The following ZNF385D variants were observed in gnomAD, a reference collection of about 807,000 sequenced individuals.
ZNF385D encodes the protein zinc finger protein 659.
ZNF385D carries 15 observed loss-of-function variants against 35.8 expected under a neutral mutation model. The observed-to-expected ratio is 0.42, with a 90% CI of 0.28 to 0.64. The LOEUF is 0.64. Among genes scored for constraint, ZNF385D ranks in the 30% least tolerant of loss-of-function variants. The pLI, the probability that ZNF385D is intolerant of heterozygous loss-of-function variation, is 0.23. For synonymous variants in ZNF385D, 212 were observed against 186.8 expected, an observed-to-expected ratio of 1.13 and a Z score of -1.10; for missense variants, 474 against 494.6, an observed-to-expected ratio of 0.96 and a Z score of 0.39.
At chr3:21,863,842 T>A (rs943963753) in intron 3 of ZNF385D, among the ~76,000 whole-genome samples, 7 of 152,128 alleles carry the variant, frequency 4.6e-5, no homozygotes, top group Admixed American at 2.0e-4. Context: ...AAGTGGCCAA[T>A]GCCAACCCAG....
At chr3:21,746,951 A>G (rs890916424) in intron 1 of ZNF385D, among the ~76,000 whole-genome samples, 4 of 152,078 alleles carry the variant, frequency 2.6e-5, no homozygotes, top group African/African-American at 9.7e-5. Context: ...ATCCCAGGGG[A>G]AAAAAGTCCT....
intron 2 of ZNF385D, among the ~76,000 whole-genome samples, chr3:22,346,883 C>T (rs11916622): frequency 0.076 from 11,535 of 152,204 alleles, 690 homozygotes; most frequent in African/African-American, 0.18. Context: ...CGACACTACA[C>T]TATCATAATG....
In ZNF385D at chr3:21,727,472, T is replaced by C. The variant is rs1325728207; in HGVS notation, c.22+23423A>G. On this transcript the variant is annotated intron_variant, in intron 1 of 7. Coordinates refer to ENST00000281523, the MANE Select transcript of ZNF385D (RefSeq NM_024697.3). ...AATCTACAAAGAACTTAAACAAATT[T>C]ACAAGAAAAAAACAACCCCATCAAA... is the stretch of plus-strand genomic sequence containing the variant. Among the ~76,000 whole-genome samples the C allele has an allele frequency of 2.0e-5, 3 of 151,764 alleles. No homozygotes were observed. The East Asian group carries it at 5.8e-4, about 29-fold the overall frequency.
At chr3:21,440,582 T>C (rs963933496) in intron 4 of ZNF385D, among the ~76,000 whole-genome samples, 1 of 152,090 alleles carries the variant, frequency 6.6e-6, no homozygotes, top group African/African-American at 2.4e-5. Context: ...AGAATGGGCT[T>C]TAGTTAAACT....
Position 21,935,253 on chromosome 3 carries a change from T to C in ZNF385D, c.325+233564A>G, listed in dbSNP as rs148456808. On this transcript the variant is annotated intron_variant, in intron 3 of 5. Transcript: ENST00000494108. ...TTTTTGTGCTATGCATGCCTTAAAATAATTTTTATAAGAACATCATTTCAA... is the reference window on the plus strand; with the variant it reads ...TTTTTGTGCTATGCATGCCTTAAAACAATTTTTATAAGAACATCATTTCAA... 3.9e-5 allele frequency among the ~76,000 whole-genome samples: 6 copies of C among 152,320 alleles called. No homozygotes were observed. In the East Asian group the frequency reaches 1.2e-3, roughly 29 times the overall value.
chr3:22,049,288 C>T (rs1278361232), intron 3 of ZNF385D, among the ~76,000 whole-genome samples: 1 of 79,488 alleles, frequency 1.3e-5, no homozygotes, highest in Non-Finnish European at 3.1e-5. Context: ...AAGAGCGAAA[C>T]TCAATCTCAA....
intron 3 of ZNF385D, among the ~76,000 whole-genome samples, chr3:22,006,921 G>A (rs1176408830): frequency 2.6e-5 from 4 of 151,932 alleles, no homozygotes; most frequent in Non-Finnish European, 4.4e-5. Flanking sequence ...GGTTTGGTAA[G>A]AAGTCCTGAG....
At chr3:22,120,800 G>T (rs990957533) in intron 3 of ZNF385D, among the ~76,000 whole-genome samples, 5 of 152,030 alleles carry the variant, frequency 3.3e-5, no homozygotes, top group African/African-American at 9.7e-5. Flanking sequence ...CCTAATTACC[G>T]TTTATAACCA....
intron 3 of ZNF385D, among the ~76,000 whole-genome samples, chr3:21,786,647 C>T (rs1401325592): frequency 1.3e-5 from 2 of 152,180 alleles, no homozygotes; most frequent in Non-Finnish European, 2.9e-5. Context: ...TGGAACAGTA[C>T]AGCATTAGTG....
rs758372821 is a variant in ZNF385D at position 21,437,130 on chromosome 3, A to G, written c.513T>C (p.Thr171=). ...TTTTTTCCACTTTAGAGGTGATCTC[A>G]GTTGTCATAACACTGCTTTTGCGGA... is the stretch of plus-strand genomic sequence containing the variant. ...VEIRKSSVMT[T]EITSKVEKSP... The change falls in exon 5 of 8, where the codon ACT becomes ACC. Residue 171 remains threonine (T), a synonymous_variant. Transcript: ENST00000281523. 4.3e-6 allele frequency: 7 copies of G among 1,613,924 alleles called. No homozygotes were observed. The South Asian group carries it at 7.7e-5, about 18-fold the overall frequency.
intron 3 of ZNF385D, among the ~76,000 whole-genome samples, chr3:22,076,243 G>T (rs1428382226): frequency 6.6e-6 from 1 of 151,776 alleles, no homozygotes; most frequent in Non-Finnish European, 1.5e-5. Context: ...TCACAATAAA[G>T]ATACATTCTT....
chr3:21,933,312 C>T (rs1701105066), intron 3 of ZNF385D, among the ~76,000 whole-genome samples: 1 of 152,118 alleles, frequency 6.6e-6, no homozygotes, highest in Non-Finnish European at 1.5e-5. Flanking sequence ...TTCTCTGTCC[C>T]CAGAAGAAAT....
chr3:22,104,937 G>A (rs576336926), intron 3 of ZNF385D, among the ~76,000 whole-genome samples: 1 of 152,136 alleles, frequency 6.6e-6, no homozygotes, highest in Non-Finnish European at 1.5e-5. Context: ...ATGTTTTACT[G>A]AAGCTTGTTG....
At chr3:22,359,615 T>C (rs1401080959) in intron 2 of ZNF385D, among the ~76,000 whole-genome samples, 1 of 151,842 alleles carries the variant, frequency 6.6e-6, no homozygotes, top group African/African-American at 2.4e-5. Context: ...CATTTAAATG[T>C]ACAGAAATAG....
chr3:22,245,551 T>C (rs550173917), intron 2 of ZNF385D, among the ~76,000 whole-genome samples: 19 of 151,920 alleles, frequency 1.3e-4, no homozygotes, highest in Admixed American at 1.1e-3. Flanking sequence ...TATTTGATTC[T>C]CCTTAATTGG....
At chr3:21,510,744 T>C in intron 4 of ZNF385D, 117 bp downstream of exon 4, 1 of 1,300,146 alleles carries the variant, frequency 7.7e-7, no homozygotes, top group Non-Finnish European at 1.1e-6. Flanking sequence ...TACAGAAAGA[T>C]GGCTCAAGCA....
rs189982168 is a variant in ZNF385D at position 21,862,560 on chromosome 3, G to C, written c.326-197532C>G. 2.1e-4 allele frequency among the ~76,000 whole-genome samples: 32 copies of C among 152,206 alleles called. No homozygotes were observed. The East Asian group carries it at 5.6e-3, about 27-fold the overall frequency. The stretch of plus-strand genomic sequence containing the variant: ...ACCATTGCCAACTTGTGGCACATTT[G>C]AATGAAGGCTTCTTTTCATATTGCC... On this transcript the variant is annotated intron_variant, in intron 3 of 5. Coordinates refer to the ZNF385D transcript ENST00000494108.
intron 2 of ZNF385D, among the ~76,000 whole-genome samples, chr3:22,343,928 C>T (rs1157184463): frequency 6.6e-6 from 1 of 151,896 alleles, no homozygotes; most frequent in Non-Finnish European, 1.5e-5. Context: ...TTACCACATC[C>T]ATTAAAAAAA....
intron 3 of ZNF385D, among the ~76,000 whole-genome samples, chr3:21,530,287 G>A (rs2061892472): frequency 6.6e-6 from 1 of 152,126 alleles, no homozygotes; most frequent in African/African-American, 2.4e-5. Flanking sequence ...TTTCTTCACA[G>A]CAATGCAAAA....
Sources: allele counts gnomAD v4.1 joint callset (sites outside exome capture counted in the v4.1 genomes callset), GRCh38; gene constraint gnomAD v4.1.1; transcripts MANE v1.5; gene names NCBI Gene and HGNC (gene_info 2026-07-23, HGNC 2026-07-21).